The following TRIM9 variants were observed in gnomAD, a reference collection of about 807,000 sequenced individuals.
TRIM9 encodes tripartite motif containing 9.
Under a neutral mutation model 78.3 loss-of-function variants are expected in TRIM9, and 26 were observed. That is an observed-to-expected ratio of 0.33 (90% CI 0.24 to 0.46). The LOEUF is 0.46. Among genes scored for constraint, TRIM9 ranks in the 20% least tolerant of loss-of-function variants. The pLI, the probability that TRIM9 is intolerant of heterozygous loss-of-function variation, is 1.00. For synonymous variants in TRIM9, 398 were observed against 416.5 expected (o/e 0.96, Z 0.54); for missense variants, 787 against 1,036.4 (o/e 0.76, Z 3.30).
At chr14:50,997,641 C>T in intron 7 of TRIM9, 1 of 1,046,758 alleles carries the variant, frequency 9.6e-7, no homozygotes, top group Non-Finnish European at 1.2e-6. Flanking sequence ...TCAGAACAAG[C>T]AAGTACTACA....
chr14:50,975,448 T>C lies in TRIM9; in HGVS notation c.*1843A>G, dbSNP rs544455291. On this transcript the variant is annotated 3_prime_UTR_variant, in exon 13 of 13. Transcript: ENST00000684578. ...TATGAGTCTACCACGGCCCAGCCAT[T>C]GAGTCTCATTGGAGAGTAAATCAAA... 2.3e-4 allele frequency: 35 copies of C among 152,756 alleles called. No homozygotes were observed. Among genetic ancestry groups the C allele is most frequent in the African/African-American group, 7.7e-4 (32 of 41,572 alleles). 9.5% of individuals were successfully genotyped at this position (152,756 alleles called of 1,614,324 possible). A position where few individuals can be genotyped will look rare whatever the true frequency, so the allele number is the denominator to read the frequency against.
intron 1 of TRIM9, among the ~76,000 whole-genome samples, chr14:51,075,892 C>A (rs537882940): frequency 1.3e-5 from 2 of 152,268 alleles, no homozygotes; most frequent in East Asian, 3.9e-4. Flanking sequence ...AGAGAACATA[C>A]AACCTAAAAG....
intron 1 of TRIM9, among the ~76,000 whole-genome samples, chr14:51,031,010 T>C (rs192522253): frequency 2.6e-5 from 4 of 151,836 alleles, no homozygotes; most frequent in Non-Finnish European, 4.4e-5. Context: ...TAGCCAGGCA[T>C]GGTGGCGGGC....
intron 1 of TRIM9, among the ~76,000 whole-genome samples, chr14:51,039,775 GTCTC>G (rs1304646893): frequency 2.7e-5 from 4 of 150,698 alleles, no homozygotes; most frequent in Admixed American, 6.6e-5. Flanking sequence ...TTGAGGCGGA[GTCTC>G]TCTGTCACCC....
chr14:50,982,216 A>G, intron 10 of TRIM9, 113 bp from the exon 11 acceptor site: 2 of 1,303,846 alleles, frequency 1.5e-6, no homozygotes, highest in Non-Finnish European at 2.1e-6. Flanking sequence ...GCTGCCATGC[A>G]GGAAGGAGGC....
At chr14:51,018,282 C>T (rs987564907) in intron 3 of TRIM9, among the ~76,000 whole-genome samples, 7 of 151,524 alleles carry the variant, frequency 4.6e-5, no homozygotes, top group Non-Finnish European at 8.8e-5. Context: ...TGCCTGCCTG[C>T]CTGCCTTCCT....
intron 1 of TRIM9, among the ~76,000 whole-genome samples, chr14:51,033,010 T>A (rs2058860030): frequency 6.6e-6 from 1 of 152,202 alleles, no homozygotes; most frequent in African/African-American, 2.4e-5. Flanking sequence ...TACCAGAATC[T>A]GCAACACTCA....
intron 1 of TRIM9, among the ~76,000 whole-genome samples, chr14:51,078,958 AG>A (rs1186153938): frequency 6.6e-6 from 1 of 152,234 alleles, no homozygotes; most frequent in East Asian, 1.9e-4. Flanking sequence ...GCTTTACTAT[AG>A]TAACCATTTT....
intron 1 of TRIM9, among the ~76,000 whole-genome samples, chr14:51,058,010 T>G (rs1229425485): frequency 6.6e-6 from 1 of 152,242 alleles, no homozygotes; most frequent in African/African-American, 2.4e-5. Flanking sequence ...ATTTAGCTTC[T>G]AAGTCTTCAA....
intron 1 of TRIM9, among the ~76,000 whole-genome samples, chr14:51,036,506 T>G (rs890226713): frequency 6.6e-6 from 1 of 152,148 alleles, no homozygotes; most frequent in Non-Finnish European, 1.5e-5. Context: ...AAACAGAAAC[T>G]AAGAACCCAT....
chr14:50,990,668 T>C (rs1403275083), intron 7 of TRIM9, among the ~76,000 whole-genome samples: 3 of 152,218 alleles, frequency 2.0e-5, no homozygotes, highest in Non-Finnish European at 4.4e-5. Flanking sequence ...CTCTGTGTCC[T>C]GGTAGAAGTC....
chr14:51,055,395 T>C (rs2060817410), intron 1 of TRIM9, among the ~76,000 whole-genome samples: 1 of 152,214 alleles, frequency 6.6e-6, no homozygotes, highest in Non-Finnish European at 1.5e-5. Flanking sequence ...TCCTAATCCC[T>C]GGAACCCATA....
At chr14:51,021,485 G>C (rs1159788670) in intron 3 of TRIM9, among the ~76,000 whole-genome samples, 1 of 152,160 alleles carries the variant, frequency 6.6e-6, no homozygotes, top group Non-Finnish European at 1.5e-5. Flanking sequence ...AGTCAGCTGT[G>C]GGTATAGCTT....
chr14:51,070,091 T>G (rs1183921478), intron 1 of TRIM9, among the ~76,000 whole-genome samples: 1 of 152,182 alleles, frequency 6.6e-6, no homozygotes, highest in African/African-American at 2.4e-5. Flanking sequence ...CAGTGTCATG[T>G]TTTTCATTTT....
At chr14:50,997,033 C>T in intron 7 of TRIM9, 1 of 985,402 alleles carries the variant, frequency 1.0e-6, no homozygotes, top group Non-Finnish European at 1.2e-6. Flanking sequence ...TTTTAGCTAA[C>T]ATCTTGAACT....
chr14:51,047,681 C>A (rs750644328), intron 1 of TRIM9, among the ~76,000 whole-genome samples: 3 of 152,058 alleles, frequency 2.0e-5, no homozygotes, highest in African/African-American at 7.2e-5. Flanking sequence ...AGGAAAGAAA[C>A]GCATATAACA....
chr14:50,980,408 C>A (rs1026098050), intron 11 of TRIM9, among the ~76,000 whole-genome samples: 2 of 152,212 alleles, frequency 1.3e-5, no homozygotes, highest in Non-Finnish European at 2.9e-5. Context: ...GTCCTCATCT[C>A]AGCAGAGCAC....
At chr14:51,092,491 G>A (rs1344708158) in intron 1 of TRIM9, among the ~76,000 whole-genome samples, 2 of 152,116 alleles carry the variant, frequency 1.3e-5, no homozygotes, top group African/African-American at 4.8e-5. Flanking sequence ...AGTCTCCAAG[G>A]AATTCTGGGA....
chr14:50,986,030 C>T lies in TRIM9; in HGVS notation c.1718G>A (p.Arg573Lys). The T allele has an allele frequency of 6.5e-7, 1 of 1,549,676 alleles. No individual in the cohort carries two copies. The highest frequency in any genetic ancestry group is 8.7e-7 in the Non-Finnish European group (1 of 1,146,516). Residue 573 changes from arginine (R) to lysine (K), a missense_variant, in exon 8 of 13, where the codon AGA (arginine) becomes AAA (lysine). Arg to Lys is a conservative substitution (Grantham distance 26, BLOSUM62 2). Around this residue, in one of 3 missense-constraint regions of TRIM9, gnomAD observed 421 missense variants for 514.3 expected, o/e 0.82. Coordinates refer to ENST00000684578, the MANE Select transcript of TRIM9 (RefSeq NM_001387360.1). ...TGAGGATCGGAAATCAAAGTAGGAT[C>T]TCCCGGGGAAGCTGGGTTGTAGATT... ...TLNLQPSFPG[R>K]SYFDFRSSPH...
Sources: gnomAD v4.1 joint callset for allele counts (sites outside exome capture counted in the v4.1 genomes callset) on GRCh38, gnomAD v4.1.1 for gene constraint, gnomAD v4.1.1 regional missense constraint, MANE v1.5 for transcripts, NCBI Gene and HGNC (gene_info 2026-07-23, HGNC 2026-07-21) for gene names.